SERPINB12: variants seen among roughly 807,000 people sequenced by gnomAD.
The protein encoded by SERPINB12 is serpin family B member 12.
A neutral mutation model predicts 41.1 loss-of-function variants in SERPINB12; 57 were observed. That is an observed-to-expected ratio of 1.39 (90% confidence interval 1.12 to 1.73). The LOEUF (loss-of-function observed/expected upper bound fraction) is 1.73, where lower values mean the gene tolerates loss of function less well. Ranked by LOEUF, SERPINB12 falls within the 40% of genes most tolerant of loss-of-function variation. The pLI is 0.00. For synonymous variants in SERPINB12, 180 were observed against 181.3 expected (o/e 0.99, Z 0.06); for missense variants, 536 against 501.9 (o/e 1.07, Z -0.65).
chr18:63,531,148 C>T, the SERPINB12 span, among the ~76,000 whole-genome samples: 4 of 152,304 alleles, frequency 2.6e-5, no homozygotes, highest in South Asian at 6.2e-4. Flanking sequence ...CAAGAGAACT[C>T]AATGAGCAAT....
upstream of SERPINB12, among the ~76,000 whole-genome samples, chr18:63,541,477 A>G (rs1910271873): frequency 6.6e-6 from 1 of 152,154 alleles, no homozygotes; most frequent in Non-Finnish European, 1.5e-5. Context: ...ATCCAAGGGC[A>G]TGGCTTTGCT....
chr18:63,553,195 T>A (rs1256588502), intron 1 of SERPINB12, among the ~76,000 whole-genome samples: 2 of 152,054 alleles, frequency 1.3e-5, no homozygotes, highest in Non-Finnish European at 2.9e-5. Flanking sequence ...AGTTTTGGAG[T>A]GTTCTGTAGC....
Position 63,565,490 on chromosome 18 carries a change from A to G in SERPINB12, c.751A>G (p.Arg251Gly). 1 of 1,614,038 alleles carries G rather than the reference A, an allele frequency of 6.2e-7. No homozygotes were observed. Among genetic ancestry groups the G allele is most frequent in the Non-Finnish European group, 8.5e-7 (1 of 1,179,938 alleles). The change falls in exon 7 of 8, where the codon AGA becomes GGA. Residue 251 changes from arginine to glycine, a missense_variant. Coordinates refer to ENST00000382768, the MANE Select transcript of SERPINB12 (RefSeq NM_001307928.2). ...VKMMTQKGLY[R>G]IGFIEEVKAQ... Reference sequence around the variant, plus strand: ...GATGATGACGCAAAAAGGCCTCTACAGAATTGGCTTCATAGAGGAGGTGAA... The same window carrying G: ...GATGATGACGCAAAAAGGCCTCTACGGAATTGGCTTCATAGAGGAGGTGAA...
the SERPINB12 span, among the ~76,000 whole-genome samples, chr18:63,535,682 T>G: frequency 1.3e-5 from 2 of 152,238 alleles, no homozygotes; most frequent in African/African-American, 4.8e-5. Flanking sequence ...ATATGAACTA[T>G]GAACTGTGGA....
intron 3 of SERPINB12, among the ~76,000 whole-genome samples, chr18:63,558,834 C>T (rs1910769741): frequency 6.6e-6 from 1 of 152,104 alleles, no homozygotes; most frequent in South Asian, 2.1e-4. Context: ...TACTGTCTCC[C>T]TCTATCTCTG....
chr18:63,529,469 G>A, the SERPINB12 span, among the ~76,000 whole-genome samples: 4 of 152,272 alleles, frequency 2.6e-5, no homozygotes, highest in Middle Eastern at 3.4e-3. Flanking sequence ...CCCAGGCTGC[G>A]TTTTGTCAGG....
At position 63,559,593 on chromosome 18, in the gene SERPINB12, A is replaced by G; in HGVS notation, c.319A>G (p.Asn107Asp). 6.2e-7 allele frequency: 1 copy of G among 1,614,088 alleles called. No homozygotes were observed. Among genetic ancestry groups the G allele is most frequent in the African/African-American group, 1.3e-5 (1 of 75,034 alleles). Reference sequence around the variant, plus strand: ...CTTTCCTTAGGCTGGGTCCTTAAACAATGAGAGCGGACTGGTCAGCTGCTA... The same window carrying G: ...CTTTCCTTAGGCTGGGTCCTTAAACGATGAGAGCGGACTGGTCAGCTGCTA... ...PLDQQAGSLN[N>D]ESGLVSCYFG... Residue 107 changes from asparagine to aspartate, a missense_variant, in exon 4 of 8, where the codon AAT (asparagine) becomes GAT (aspartate). Asn to Asp is a conservative substitution (Grantham distance 23). Coordinates refer to ENST00000382768, the MANE Select transcript of SERPINB12 (RefSeq NM_001307928.2).
At chr18:63,528,808 C>A in the SERPINB12 span, among the ~76,000 whole-genome samples, 1 of 152,070 alleles carries the variant, frequency 6.6e-6, no homozygotes, top group Non-Finnish European at 1.5e-5. Flanking sequence ...GTCTTTATAT[C>A]AGAAAGGGCT....
the SERPINB12 span, among the ~76,000 whole-genome samples, chr18:63,535,653 G>A: frequency 3.3e-5 from 5 of 152,270 alleles, no homozygotes; most frequent in Non-Finnish European, 7.3e-5. Flanking sequence ...ACATTTTTGG[G>A]ATAACTGGTG....
chr18:63,521,169 A>G, the SERPINB12 span, among the ~76,000 whole-genome samples: 2 of 151,964 alleles, frequency 1.3e-5, no homozygotes, highest in Non-Finnish European at 2.9e-5. Flanking sequence ...CTTTTGTGAT[A>G]CTTCTTGTTA....
intron 3 of SERPINB12, among the ~76,000 whole-genome samples, chr18:63,559,007 T>TTTCC (rs1163877809): frequency 3.8e-5 from 2 of 52,218 alleles, no homozygotes; most frequent in South Asian, 6.9e-4. Flanking sequence ...TCCTTCCTTC[T>TTTCC]TTCTTTCTTT....
intron 2 of SERPINB12, 134 bp downstream of exon 2, chr18:63,556,461 A>C: frequency 1.6e-6 from 1 of 643,594 alleles, no homozygotes; most frequent in Non-Finnish European, 2.6e-6. Flanking sequence ...CCTGTCTCTG[A>C]GTCTTTATTT....
intron 1 of SERPINB12, among the ~76,000 whole-genome samples, chr18:63,554,535 A>G (rs189915465): frequency 1.6e-4 from 25 of 152,336 alleles, no homozygotes; most frequent in Admixed American, 3.3e-4. Flanking sequence ...AGCACAAATA[A>G]GAGGATTTAC....
chr18:63,551,313 T>A (rs8094583), intron 1 of SERPINB12, among the ~76,000 whole-genome samples: 99,684 of 151,852 alleles, frequency 0.66, 33,533 homozygotes, highest in Middle Eastern at 0.74. Flanking sequence ...AAAGAAAGTT[T>A]TCAGGTATGA....
At chr18:63,532,788 G>A in the SERPINB12 span, among the ~76,000 whole-genome samples, 1 of 152,082 alleles carries the variant, frequency 6.6e-6, no homozygotes, top group East Asian at 1.9e-4. Context: ...GATGTTTGAT[G>A]AATCTAGTTG....
the SERPINB12 span, among the ~76,000 whole-genome samples, chr18:63,520,650 G>A: frequency 6.6e-6 from 1 of 152,266 alleles, no homozygotes; most frequent in African/African-American, 2.4e-5. Context: ...CATAAACCAG[G>A]ACAGTGGTAG....
the SERPINB12 span, among the ~76,000 whole-genome samples, chr18:63,532,821 G>C: frequency 6.6e-6 from 1 of 152,150 alleles, no homozygotes; most frequent in East Asian, 1.9e-4. Context: ...AACAACAACA[G>C]CAGCAGAAGC....
chr18:63,552,792 G>A (rs2144326204), intron 1 of SERPINB12, among the ~76,000 whole-genome samples: 1 of 152,218 alleles, frequency 6.6e-6, no homozygotes, highest in Non-Finnish European at 1.5e-5. Flanking sequence ...TAAAAAAACT[G>A]ACTCACCCCC....
At chr18:63,550,565 A>C (rs1379214405) in intron 1 of SERPINB12, among the ~76,000 whole-genome samples, 3 of 152,206 alleles carry the variant, frequency 2.0e-5, no homozygotes, top group Non-Finnish European at 2.9e-5. Context: ...TAAGTGCATA[A>C]GAAATAAGTG....
Sources: allele counts gnomAD v4.1 joint callset (sites outside exome capture counted in the v4.1 genomes callset), GRCh38; gene constraint gnomAD v4.1.1; transcripts MANE v1.5; gene names NCBI Gene and HGNC (gene_info 2026-07-23, HGNC 2026-07-21).